TTLL1: variants seen among roughly 807,000 people sequenced by gnomAD.
TTLL1 encodes polyglutamylase complex subunit TTLL1.
TTLL1 carries 33 observed loss-of-function variants against 47.8 expected under a neutral mutation model. That is an observed-to-expected ratio of 0.69 (90% CI 0.52 to 0.92). The LOEUF is 0.92. TTLL1 is among the 40% of genes least tolerant of loss of function. The pLI, the probability that TTLL1 is intolerant of heterozygous loss-of-function variation, is 0.00. For missense variants in TTLL1, 488 were observed against 547.5 expected (o/e 0.89, Z 1.08); for synonymous variants, 225 against 214.1 (o/e 1.05, Z -0.45).
At chr22:43,079,747 C>T (rs886223201) in intron 2 of TTLL1, among the ~76,000 whole-genome samples, 155 bp downstream of exon 2, 16 of 152,192 alleles carry the variant, frequency 1.1e-4, no homozygotes, top group East Asian at 3.9e-4. Context: ...CCAAACCTAC[C>T]GAGGCAGACG....
At chr22:43,070,426 C>T (rs988695988) in intron 3 of TTLL1, among the ~76,000 whole-genome samples, 1 of 152,130 alleles carries the variant, frequency 6.6e-6, no homozygotes, top group African/African-American at 2.4e-5. Flanking sequence ...CCCAGAGAAG[C>T]AGGGAAGGGG....
chr22:43,072,010 T>A (rs535946162), intron 3 of TTLL1, among the ~76,000 whole-genome samples: 2 of 152,212 alleles, frequency 1.3e-5, no homozygotes, highest in Non-Finnish European at 2.9e-5. Context: ...AACAGAGGAA[T>A]TGGCCTGGGC....
At chr22:43,078,744 G>C (rs1928673764) in intron 2 of TTLL1, among the ~76,000 whole-genome samples, 1 of 152,048 alleles carries the variant, frequency 6.6e-6, no homozygotes, top group Non-Finnish European at 1.5e-5. Flanking sequence ...ATAAAGGACT[G>C]CTGTTAGGTG....
intron 3 of TTLL1, among the ~76,000 whole-genome samples, chr22:43,072,080 G>A (rs560089114): frequency 2.0e-5 from 3 of 152,226 alleles, no homozygotes; most frequent in South Asian, 2.1e-4. Flanking sequence ...AGTCTTTCAC[G>A]AGGAAAGGAC....
chr22:43,071,327 T>C (rs1041642743), intron 3 of TTLL1, among the ~76,000 whole-genome samples: 5 of 152,150 alleles, frequency 3.3e-5, no homozygotes, highest in African/African-American at 7.2e-5. Context: ...TTCCCTTTAT[T>C]TATCAGTTTT....
In TTLL1 at chr22:43,063,833, C is replaced by T. The variant is rs147239263; in HGVS notation, c.727G>A (p.Val243Ile). 10 of 1,613,958 alleles carry T rather than the reference C, an allele frequency of 6.2e-6. No homozygotes were observed. Among genetic ancestry groups the T allele is most frequent in the Middle Eastern group, 1.7e-4 (1 of 6,060 alleles). ...LDNMFVHLTN[V>I]AIQKHGEDYN... ...CTCACCCCGTGTTTCTGGATGGCGA[C>T]GTTGGTGAGATGAACGAACATGTTG... The change falls in exon 7 of 11, where the codon GTC becomes ATC. Residue 243 changes from valine to isoleucine, a missense_variant. Physicochemically the swap from Val to Ile is conservative, Grantham distance 29 (BLOSUM62 3). Transcript: ENST00000266254.
intron 1 of TTLL1, among the ~76,000 whole-genome samples, chr22:43,086,886 G>A (rs145682914): frequency 2.9e-3 from 440 of 152,246 alleles, no homozygotes; most frequent in African/African-American, 0.01. Context: ...ATGTCACCCT[G>A]CTCACTACCC....
intron 8 of TTLL1, among the ~76,000 whole-genome samples, chr22:43,054,222 G>A (rs1601666994): frequency 6.6e-6 from 1 of 152,216 alleles, no homozygotes; most frequent in African/African-American, 2.4e-5. Flanking sequence ...GGTATAAGGA[G>A]CTTCAGTGGG....
intron 1 of TTLL1, among the ~76,000 whole-genome samples, chr22:43,080,911 T>TTTTTTTTTTTTTG (rs1928839527): frequency 1.8e-5 from 1 of 56,556 alleles, no homozygotes; most frequent in Admixed American, 1.9e-4. Context: ...ACTTTTTTTT[T>TTTTTTTTTTTTTG]TTTTTTTTTT....
intron 7 of TTLL1, among the ~76,000 whole-genome samples, chr22:43,063,343 T>G (rs1927508715): frequency 6.6e-6 from 1 of 152,164 alleles, no homozygotes; most frequent in Non-Finnish European, 1.5e-5. Context: ...GCCCGCCTGA[T>G]GCCTAGAGCC....
intron 8 of TTLL1, among the ~76,000 whole-genome samples, chr22:43,056,325 C>T (rs541852150): frequency 6.7e-5 from 10 of 148,530 alleles, no homozygotes; most frequent in African/African-American, 2.5e-4. Context: ...CATCACTGCA[C>T]TCCAGCCTGG....
intron 1 of TTLL1, among the ~76,000 whole-genome samples, chr22:43,085,548 G>A (rs1224317216): frequency 6.6e-6 from 1 of 152,148 alleles, no homozygotes; most frequent in South Asian, 2.1e-4. Flanking sequence ...ATAAATGCGA[G>A]TTCCCCTGCA....
intron 8 of TTLL1, among the ~76,000 whole-genome samples, chr22:43,058,239 C>T (rs575943439): frequency 1.5e-4 from 23 of 152,154 alleles, no homozygotes; most frequent in African/African-American, 5.3e-4. Context: ...CCACAGCGCC[C>T]GGCCCCGGAA....
chr22:43,053,211 G>C lies in TTLL1; in HGVS notation c.892-1324C>G, dbSNP rs115211129. On this transcript the variant is annotated intron_variant, in intron 8 of 10. Coordinates refer to ENST00000266254, the MANE Select transcript of TTLL1 (RefSeq NM_012263.5). ...TCCTCAGAGACTTGTGCACCCTATA[G>C]TCAGTGAAGCATAGAGACGGGGTAG... 6.6e-3 allele frequency among the ~76,000 whole-genome samples: 1,005 copies of C among 152,214 alleles called. 14 individuals carry two copies. The highest frequency in any genetic ancestry group is 0.024 in the African/African-American group (979 of 41,538).
chr22:43,061,833 C>A (rs531270287), intron 7 of TTLL1, among the ~76,000 whole-genome samples: 1 of 152,304 alleles, frequency 6.6e-6, no homozygotes, highest in African/African-American at 2.4e-5. Context: ...ACCTTCTCCA[C>A]CCTCTCTGGA....
chr22:43,046,407 T>C lies in TTLL1; in HGVS notation c.1142+3A>G. 1 of 1,613,904 alleles carries C rather than the reference T, an allele frequency of 6.2e-7. No individual in the cohort carries two copies. The highest frequency in any genetic ancestry group is 8.5e-7 in the Non-Finnish European group (1 of 1,179,934). Reference sequence around the variant, plus strand: ...ACAAGCGCACAGTCACACACACACTTACAGAATCTCGTAATTGCCGAGGAC... The same window carrying C: ...ACAAGCGCACAGTCACACACACACTCACAGAATCTCGTAATTGCCGAGGAC... On this transcript the variant is annotated splice_donor_region_variant and intron_variant, in intron 10 of 10. Transcript: ENST00000266254.
chr22:43,045,355 T>C (rs1926030990), intron 10 of TTLL1, among the ~76,000 whole-genome samples: 1 of 152,098 alleles, frequency 6.6e-6, no homozygotes, highest in Non-Finnish European at 1.5e-5. Context: ...AAAATATTAC[T>C]GGGGAAAGGA....
chr22:43,063,654 CAG>C (rs1485751915), intron 7 of TTLL1, among the ~76,000 whole-genome samples, 157 bp downstream of exon 7: 1 of 151,688 alleles, frequency 6.6e-6, no homozygotes, highest in Non-Finnish European at 1.5e-5. Context: ...TTAGTAGAGA[CAG>C]GGTTTCATTG....
At chr22:43,078,587 T>C (rs1399708256) in intron 2 of TTLL1, among the ~76,000 whole-genome samples, 1 of 151,990 alleles carries the variant, frequency 6.6e-6, no homozygotes, top group East Asian at 1.9e-4. Flanking sequence ...AAAGCCGGGA[T>C]GATACTACTC....
Sources: allele counts gnomAD v4.1 joint callset (sites outside exome capture counted in the v4.1 genomes callset), GRCh38; gene constraint gnomAD v4.1.1; transcripts MANE v1.5; gene names NCBI Gene and HGNC (gene_info 2026-07-23, HGNC 2026-07-21).